Variants in CUL1 observed in about 807,000 individuals in gnomAD.
CUL1 encodes the protein cullin 1, also known as cullin-1.
In CUL1, 24 loss-of-function variants were observed where a neutral mutation model predicts 118.0. The ratio of observed to expected loss-of-function variants is 0.20; its 90% CI spans 0.15 to 0.29. The LOEUF (loss-of-function observed/expected upper bound fraction) is 0.29, where lower values mean the gene tolerates loss of function less well. Among genes scored for constraint, CUL1 ranks in the 10% least tolerant of loss-of-function variants. The pLI, the probability that CUL1 is intolerant of heterozygous loss-of-function variation, is 1.00. For synonymous variants in CUL1, 332 were observed against 340.4 expected, an observed-to-expected ratio of 0.98 and a Z score of 0.27; for missense variants, 361 against 933.8, an observed-to-expected ratio of 0.39 and a Z score of 7.99.
chr7:148,718,499 G>A (rs570118705), intron 1 of CUL1, among the ~76,000 whole-genome samples: 174 of 152,204 alleles, frequency 1.1e-3, no homozygotes, highest in African/African-American at 3.9e-3. Context: ...TTTTGCATCT[G>A]GCATTCATTT....
In CUL1 at chr7:148,790,449, C is replaced by A; in HGVS notation, c.1806+8C>A. 1 of 1,608,178 alleles carries A rather than the reference C, an allele frequency of 6.2e-7. No individual in the cohort carries two copies. The highest frequency in any genetic ancestry group is 8.5e-7 in the Non-Finnish European group (1 of 1,176,566). Reference sequence around the variant, plus strand: ...AACAGATATACTTTGCAGGTAAGATCACATTTTTATCTTAAAATTTTTCTA... The same window carrying A: ...AACAGATATACTTTGCAGGTAAGATAACATTTTTATCTTAAAATTTTTCTA... On this transcript the variant is annotated splice_region_variant and intron_variant, in intron 16 of 21. Transcript: ENST00000325222.
At chr7:148,726,022 C>A (rs1047790492) in intron 1 of CUL1, among the ~76,000 whole-genome samples, 1 of 152,140 alleles carries the variant, frequency 6.6e-6, no homozygotes, top group African/African-American at 2.4e-5. Context: ...GGAATATAAA[C>A]TGAGGTGTGA....
At chr7:148,702,321 C>T (rs1797746079) in intron 1 of CUL1, among the ~76,000 whole-genome samples, 1 of 152,190 alleles carries the variant, frequency 6.6e-6, no homozygotes, top group East Asian at 1.9e-4. Flanking sequence ...TATAGAACAT[C>T]TTGCTTGGGA....
intron 1 of CUL1, among the ~76,000 whole-genome samples, chr7:148,706,444 A>G (rs1797886005): frequency 1.3e-5 from 2 of 152,156 alleles, no homozygotes; most frequent in African/African-American, 4.8e-5. Context: ...TATTACATCA[A>G]TCATAAAGTA....
intron 9 of CUL1, among the ~76,000 whole-genome samples, chr7:148,769,397 T>TCACACACACACACACACACACACA: frequency 7.7e-6 from 1 of 129,106 alleles, no homozygotes; most frequent in South Asian, 2.9e-4. Flanking sequence ...AGGGCCTGAT[T>TCACACACACACACACACACACACA]CACACACACA....
intron 2 of CUL1, among the ~76,000 whole-genome samples, chr7:148,733,596 T>G (rs1029241317): frequency 6.6e-6 from 1 of 152,228 alleles, no homozygotes; most frequent in Non-Finnish European, 1.5e-5. Context: ...CGCTGTGACA[T>G]CTAATACTTG....
At chr7:148,731,336 A>G (rs1381471995) in intron 2 of CUL1, among the ~76,000 whole-genome samples, 1 of 152,190 alleles carries the variant, frequency 6.6e-6, no homozygotes, top group Non-Finnish European at 1.5e-5. Context: ...TTGATAGACT[A>G]TATCAGTTCT....
In CUL1 at chr7:148,756,674, T is replaced by C. The variant is rs1799671028; in HGVS notation, c.316-309T>C. Among the ~76,000 whole-genome samples, 2 of 152,120 alleles carry C rather than the reference T, an allele frequency of 1.3e-5. 1 individual carries two copies. Among genetic ancestry groups the C allele is most frequent in the South Asian group, 4.1e-4 (2 of 4,828 alleles). ...AACAAATATCAAAAATACAGATGAT[T>C]TTGTGGTATATTTCTTAATAAAAAG... is the stretch of plus-strand genomic sequence containing the variant. On this transcript the variant is annotated intron_variant, in intron 3 of 21. Coordinates refer to ENST00000325222, the MANE Select transcript of CUL1 (RefSeq NM_003592.3).
rs760386983 is a variant in CUL1 at position 148,787,127 on chromosome 7, T to C, written c.1479+7T>C. The C allele has an allele frequency of 8.1e-6, 13 of 1,612,504 alleles. No homozygotes were observed. The South Asian group carries it at 1.4e-4, about 18-fold the overall frequency. On this transcript the variant is annotated splice_region_variant and intron_variant, in intron 13 of 21. Transcript: ENST00000325222. This position sits in a 1 kb window ranked among gnomAD's most constrained non-coding sequence, Gnocchi z 5.5. ...CATGATCTCCAAGTTAAAGGTGAGT[T>C]TCATCTTTTCCTGAAAAATCCCAGC... is the stretch of plus-strand genomic sequence containing the variant.
At chr7:148,754,934 T>G (rs911025617) in intron 3 of CUL1, among the ~76,000 whole-genome samples, 2 of 151,988 alleles carry the variant, frequency 1.3e-5, no homozygotes, top group Non-Finnish European at 2.9e-5. Context: ...TTAAATCTTT[T>G]GTAGAATCAG....
At chr7:148,702,738 T>C (rs942185771) in intron 1 of CUL1, among the ~76,000 whole-genome samples, 1 of 152,224 alleles carries the variant, frequency 6.6e-6, no homozygotes, top group Non-Finnish European at 1.5e-5. Flanking sequence ...CCTGATGTCC[T>C]GGTCTGGGTT....
intron 9 of CUL1, among the ~76,000 whole-genome samples, chr7:148,774,362 A>G (rs926985043): frequency 2.0e-5 from 3 of 152,230 alleles, no homozygotes; most frequent in Non-Finnish European, 4.4e-5. Context: ...TACACTCACA[A>G]GGAAATAGGA....
chr7:148,786,515 A>T lies in CUL1; in HGVS notation c.1299-36A>T, dbSNP rs371255022. ...AAGTGGTGCTTGTTTAAACGTACTG[A>T]TGTTTTAAAACATGGTATCTTTTTA... On this transcript the variant is annotated intron_variant, in intron 11 of 21. Coordinates refer to ENST00000325222, the MANE Select transcript of CUL1 (RefSeq NM_003592.3). 17 of 1,543,134 alleles carry T rather than the reference A, an allele frequency of 1.1e-5. No homozygotes were observed. The African/African-American group carries it at 2.3e-4, about 21-fold the overall frequency.
intron 2 of CUL1, among the ~76,000 whole-genome samples, chr7:148,734,046 G>T (rs1798858940): frequency 1.3e-5 from 2 of 151,154 alleles, no homozygotes; most frequent in African/African-American, 2.4e-5. Context: ...AAAAAGAAAA[G>T]AAAAGAAAAT....
intron 1 of CUL1, among the ~76,000 whole-genome samples, chr7:148,701,005 C>T (rs560596144): frequency 6.6e-6 from 1 of 152,242 alleles, no homozygotes; most frequent in East Asian, 1.9e-4. Flanking sequence ...TGAATATTAT[C>T]TTCTAGCTGT....
chr7:148,733,083 G>A (rs1193208867), intron 2 of CUL1, among the ~76,000 whole-genome samples: 2 of 152,190 alleles, frequency 1.3e-5, no homozygotes, highest in African/African-American at 4.8e-5. Flanking sequence ...TTGTACAGCA[G>A]CCAGTGGTGG....
At chr7:148,764,000 C>A (rs1799923981) in intron 7 of CUL1, among the ~76,000 whole-genome samples, 1 of 151,490 alleles carries the variant, frequency 6.6e-6, no homozygotes, top group Admixed American at 6.5e-5. Context: ...GAAGAGTGAA[C>A]CATGTTAGTG....
chr7:148,723,719 GA>G (rs1220473902), intron 1 of CUL1, among the ~76,000 whole-genome samples: 4 of 149,062 alleles, frequency 2.7e-5, no homozygotes, highest in Admixed American at 1.3e-4. Flanking sequence ...ATTTTTAAAT[GA>G]AAAAAGTTGC....
In CUL1 at chr7:148,752,967, G is replaced by A. The variant is rs573456935; in HGVS notation, c.141-1009G>A. ...GCGCCCAGCCTGAATTCATTTTTTTGTGTGATCTTACTTAGAAAGGGCCGC... is the reference window on the plus strand; with the variant it reads ...GCGCCCAGCCTGAATTCATTTTTTTATGTGATCTTACTTAGAAAGGGCCGC... On this transcript the variant is annotated intron_variant, in intron 2 of 21. Coordinates refer to ENST00000325222, the MANE Select transcript of CUL1 (RefSeq NM_003592.3). 3.3e-5 allele frequency among the ~76,000 whole-genome samples: 5 copies of A among 152,234 alleles called. No individual in the cohort carries two copies. The South Asian group carries it at 1.0e-3, about 32-fold the overall frequency.
Sources: gnomAD v4.1 joint callset for allele counts (sites outside exome capture counted in the v4.1 genomes callset) on GRCh38, gnomAD v4.1.1 for gene constraint, Gnocchi (gnomAD v3.1) non-coding constraint, MANE v1.5 for transcripts, NCBI Gene and HGNC (gene_info 2026-07-23, HGNC 2026-07-21) for gene names.